Variants in CABP4 observed in about 807,000 individuals in gnomAD.
CABP4 encodes the protein calcium binding protein 4, also known as calcium-binding protein 4.
Under a neutral mutation model 30.7 loss-of-function variants are expected in CABP4, and 30 were observed. The ratio of observed to expected loss-of-function variants is 0.98; its 90% CI spans 0.73 to 1.33. The LOEUF is 1.33. CABP4 is among the 40% of genes most tolerant of loss of function. CABP4 has a pLI of 0.00. For synonymous variants in CABP4, 161 were observed against 159.2 expected, an observed-to-expected ratio of 1.01 and a Z score of -0.08; for missense variants, 424 against 395.5, an observed-to-expected ratio of 1.07 and a Z score of -0.61.
In CABP4 at chr11:67,458,570, C is replaced by A. The variant is rs755088109; in HGVS notation, c.799+52C>A. 26 of 1,614,102 alleles carry A rather than the reference C, an allele frequency of 1.6e-5. 2 individuals are homozygous for A. In the South Asian group the frequency reaches 2.9e-4, roughly 18 times the overall value. On this transcript the variant is annotated intron_variant, in intron 5 of 5. Coordinates refer to ENST00000325656, the MANE Select transcript of CABP4 (RefSeq NM_145200.5). The stretch of plus-strand genomic sequence containing the variant: ...CCGTGCTTCCAGGGCCTAGGCTGAG[C>A]CCAGCACCTCCTGGGATCCCTGACG...
rs975955850 is a variant in CABP4, at chr11:67,461,488, T to C, written c.*2829T>C. 6.6e-6 allele frequency among the ~76,000 whole-genome samples: 1 copy of C among 152,200 alleles called. No individual in the cohort carries two copies. Among genetic ancestry groups the C allele is most frequent in the East Asian group, 1.9e-4 (1 of 5,200 alleles). ...TAAATATATATCTGGATATATCCCATTGAAACCACAGAATATAAAAAGCAA... is the reference window on the plus strand; with the variant it reads ...TAAATATATATCTGGATATATCCCACTGAAACCACAGAATATAAAAAGCAA... On this transcript the variant is annotated 3_prime_UTR_variant, in exon 6 of 6. Transcript: ENST00000325656.
chr11:67,459,085 CCTGTAAGCCCAG>C lies in CABP4; in HGVS notation c.*431_*442del. On this transcript the variant is annotated 3_prime_UTR_variant, in exon 6 of 6. Transcript: ENST00000325656. The stretch of plus-strand genomic sequence containing the variant: ...CTTGAGCCGGGTGCAGTGGCTCACA[CCTGTAAGCCCAG>C]CTGTCAGGGGGCAGAAGCGGGAGGA... The C allele has an allele frequency of 4.5e-6, 1 of 222,894 alleles. No individual in the cohort carries two copies. Among genetic ancestry groups the C allele is most frequent in the South Asian group, 6.5e-5 (1 of 15,460 alleles). The allele number at this position is 222,894 out of a possible 1,614,324, so 13.8% of individuals were successfully genotyped here. A position where few individuals can be genotyped will look rare whatever the true frequency, so the allele number is the denominator to read the frequency against.
chr11:67,457,774 G>A, intron 4 of CABP4, 92 bp downstream of exon 4: 2 of 1,057,596 alleles, frequency 1.9e-6, no homozygotes, highest in Non-Finnish European at 1.4e-6. Flanking sequence ...GGAAGGCCTA[G>A]AGCCCTGCAG....
rs1686552613 is a variant in CABP4, at chr11:67,459,489, T to C, written c.*830T>C. ...TTAATCTGTCTGCACTGACCAGTCA[T>C]AGAAAGTGGCAAGGATACAGATGTT... On this transcript the variant is annotated 3_prime_UTR_variant, in exon 6 of 6. Transcript: ENST00000325656. 1 of 152,196 alleles carries C rather than the reference T, an allele frequency of 6.6e-6. No homozygotes were observed. The highest frequency in any genetic ancestry group is 2.4e-5 in the African/African-American group (1 of 41,416). 9.4% of individuals were successfully genotyped at this position (152,196 alleles called of 1,614,324 possible).
Position 67,458,773 on chromosome 11 carries a change from A to T in CABP4, c.*114A>T. 7.7e-7 allele frequency: 1 copy of T among 1,290,346 alleles called. No individual in the cohort carries two copies. The highest frequency in any genetic ancestry group is 2.4e-5 in the East Asian group (1 of 41,790). The allele number at this position is 1,290,346 out of a possible 1,614,324, so 79.9% of individuals were successfully genotyped here. ...GAGATGGAGACCCAGCAGCCCCCAG[A>T]CTACTTCTATCCCTGAAAACACCTG... On this transcript the variant is annotated 3_prime_UTR_variant, in exon 6 of 6. Transcript: ENST00000325656.
At position 67,457,648 on chromosome 11, in the gene CABP4, T is replaced by C. The variant is rs897094997; in HGVS notation, c.617T>C (p.Leu206Pro). The change falls in exon 4 of 6, where the codon CTG becomes CCG. Residue 206 changes from leucine to proline, a missense_variant. By Grantham distance (98) the Leu-to-Pro change is moderately conservative (BLOSUM62 -3). Coordinates refer to ENST00000325656, the MANE Select transcript of CABP4 (RefSeq NM_145200.5). ...PKLREETAHM[L>P]GVRELRIAFR... ...CTGAGGGAGGAGACGGCGCACATGCTGGGGGTGCGAGAGCTGCGCATCGCC... is the reference window on the plus strand; with the variant it reads ...CTGAGGGAGGAGACGGCGCACATGCCGGGGGTGCGAGAGCTGCGCATCGCC... The C allele has an allele frequency of 1.2e-6, 2 of 1,603,276 alleles. No homozygotes were observed. The highest frequency in any genetic ancestry group is 1.7e-4 in the Middle Eastern group (1 of 6,048).
intron 4 of CABP4, 75 bp from the exon 5 acceptor site, chr11:67,458,296 A>T (rs1473909052): frequency 8.8e-7 from 1 of 1,142,732 alleles, no homozygotes; most frequent in South Asian, 3.5e-5. Flanking sequence ...AAATAAAATA[A>T]AAAATAAAAG....
chr11:67,456,467 G>C, intron 3 of CABP4, 25 bp downstream of exon 3: 1 of 1,605,096 alleles, frequency 6.2e-7, no homozygotes, highest in Non-Finnish European at 8.5e-7. Flanking sequence ...CCGCCCGCCC[G>C]GGCAGCCTGC....
chr11:67,461,549 C>T lies in CABP4; in HGVS notation c.*2890C>T, dbSNP rs764991694. On this transcript the variant is annotated 3_prime_UTR_variant, in exon 6 of 6. Coordinates refer to ENST00000325656, the MANE Select transcript of CABP4 (RefSeq NM_145200.5). ...TAACTGGAGAGAAAAGTCAGATTCA[C>T]GGTGTTCTGTCAAAGTGTTCATGTA... Among the ~76,000 whole-genome samples the T allele has an allele frequency of 7.9e-5, 12 of 152,238 alleles. No individual in the cohort carries two copies. The highest frequency in any genetic ancestry group is 2.2e-4 in the African/African-American group (9 of 41,540).
chr11:67,454,388 G>A (rs1356287767), upstream of CABP4, among the ~76,000 whole-genome samples: 2 of 152,160 alleles, frequency 1.3e-5, no homozygotes, highest in Non-Finnish European at 2.9e-5. Flanking sequence ...TACCCTCAGG[G>A]TTCCTCCTCA....
At position 67,458,977 on chromosome 11, in the gene CABP4, A is replaced by C; in HGVS notation, c.*318A>C. On this transcript the variant is annotated 3_prime_UTR_variant, in exon 6 of 6. Transcript: ENST00000325656. ...CTGGCACTGGCAGCATTCAGTGGGG[A>C]CCCCCCAGTGGCATGATGAATGGAG... is the stretch of plus-strand genomic sequence containing the variant. 2.1e-6 allele frequency: 1 copy of C among 468,848 alleles called. No individual in the cohort carries two copies. 29.0% of individuals were successfully genotyped at this position (468,848 alleles called of 1,614,324 possible).
Position 67,455,485 on chromosome 11 carries a change from C to A in CABP4, c.62C>A (p.Pro21His), listed in dbSNP as rs759254213. The change falls in exon 1 of 6, where the codon CCC becomes CAC. Residue 21 changes from proline (P) to histidine (H), a missense_variant. Transcript: ENST00000325656. ...AATCTGGCCATTGGCCGTCAGAAGC[C>A]CCCTGCGGGGGTTGTGACTCCCAAG... ...GPNLAIGRQK[P>H]PAGVVTPKSD... 4 of 1,609,590 alleles carry A rather than the reference C, an allele frequency of 2.5e-6. No individual in the cohort carries two copies. In the South Asian group the frequency reaches 4.4e-5, roughly 18 times the overall value.
Position 67,459,548 on chromosome 11 carries a change from G to A in CABP4, c.*889G>A, listed in dbSNP as rs1386517161. 6 of 152,268 alleles carry A rather than the reference G, an allele frequency of 3.9e-5. No individual in the cohort carries two copies. The highest frequency in any genetic ancestry group is 1.4e-4 in the African/African-American group (6 of 41,470). 9.4% of individuals were successfully genotyped at this position (152,268 alleles called of 1,614,324 possible). On this transcript the variant is annotated 3_prime_UTR_variant, in exon 6 of 6. Coordinates refer to ENST00000325656, the MANE Select transcript of CABP4 (RefSeq NM_145200.5). The stretch of plus-strand genomic sequence containing the variant: ...AGAGTGGAAACAGCTGCCCTAAAGA[G>A]CCTGGAACTCCAGGGCCTGCCCTTC...
At chr11:67,455,100 A>G (rs1864713877), upstream of CABP4, among the ~76,000 whole-genome samples, 1 of 152,184 alleles carries the variant, frequency 6.6e-6, no homozygotes, top group African/African-American at 2.4e-5. Flanking sequence ...AGGGAAACTG[A>G]GGCTGGGAGG....
In CABP4 at chr11:67,455,603, G is replaced by A. The variant is rs761738813; in HGVS notation, c.180G>A (p.Glu60=). Residue 60 remains glutamate (E), a synonymous_variant, in exon 1 of 6, where the codon GAG becomes GAA. Transcript: ENST00000325656. ...GSRKRTGSSG[E]QTGPEAPGSS... is the part of the protein sequence containing the mutation. Reference sequence around the variant, plus strand: ...GAAAGCGCACTGGCAGCTCTGGGGAGCAGACAGGCCCCGAGGCCCCGGGGA... The same window carrying A: ...GAAAGCGCACTGGCAGCTCTGGGGAACAGACAGGCCCCGAGGCCCCGGGGA... 2 of 1,606,766 alleles carry A rather than the reference G, an allele frequency of 1.2e-6. No homozygotes were observed. The highest frequency in any genetic ancestry group is 2.2e-5 in the East Asian group (1 of 44,668).
At chr11:67,456,114 G>A in intron 1 of CABP4, 74 bp from the exon 2 acceptor site, 8 of 1,612,724 alleles carry the variant, frequency 5.0e-6, no homozygotes, top group Non-Finnish European at 5.9e-6. Context: ...AGGCCAACAT[G>A]AGCAGGGGAT....
rs369080675 is a variant in CABP4, at chr11:67,455,759, C to G, written c.336C>G (p.Tyr112Ter). The G allele has an allele frequency of 6.3e-7, 1 of 1,590,040 alleles. No homozygotes were observed. Among genetic ancestry groups the G allele is most frequent in the Non-Finnish European group, 8.6e-7 (1 of 1,169,548 alleles). Residue 112 changes from tyrosine to a stop codon, truncating the protein, a stop_gained, in exon 1 of 6, where the codon TAC (tyrosine) becomes TAG (stop). Coordinates refer to ENST00000325656, the MANE Select transcript of CABP4 (RefSeq NM_145200.5). LOFTEE classifies it high-confidence loss of function. ...DSLHDAAQRTYGPLLNRVFGK... is the reference protein window; with the variant it reads ...DSLHDAAQRT ...TGCACGACGCTGCTCAGAGGACATA[C>G]GGGCCCCTGCTCAATCGAGTCTTCG...
intron 1 of CABP4, 131 bp downstream of exon 1, chr11:67,455,920 C>T: frequency 7.4e-7 from 1 of 1,354,150 alleles, no homozygotes; most frequent in East Asian, 2.5e-5. Context: ...GGCTGTGGGG[C>T]AGGGTTGCTG....
At chr11:67,452,504 G>T, upstream of CABP4, 3 of 1,610,114 alleles carry the variant, frequency 1.9e-6, no homozygotes, top group Admixed American at 5.1e-5. Context: ...GTCAGAGAGG[G>T]CCAGGCTGAG....
Sources: gnomAD v4.1 joint callset for allele counts (sites outside exome capture counted in the v4.1 genomes callset) on GRCh38, gnomAD v4.1.1 for gene constraint, MANE v1.5 for transcripts, NCBI Gene and HGNC (gene_info 2026-07-23, HGNC 2026-07-21) for gene names.